Variants in MAPK4 observed in about 807,000 individuals in gnomAD.
The protein encoded by MAPK4 is mitogen-activated protein kinase 4.
Under a neutral mutation model 47.7 loss-of-function variants are expected in MAPK4, and 22 were observed. The ratio of observed to expected loss-of-function variants is 0.46; its 90% CI spans 0.33 to 0.66. The LOEUF is 0.66. Among genes scored for constraint, MAPK4 ranks in the 30% least tolerant of loss-of-function variants. MAPK4 has a pLI of 0.02. For synonymous variants in MAPK4, 390 were observed against 365.7 expected, an observed-to-expected ratio of 1.07 and a Z score of -0.76; for missense variants, 736 against 831.7, an observed-to-expected ratio of 0.88 and a Z score of 1.42.
intron 1 of MAPK4, among the ~76,000 whole-genome samples, chr18:50,658,840 A>G (rs183265911): frequency 1.8e-3 from 276 of 152,288 alleles, no homozygotes; most frequent in Middle Eastern, 3.4e-3. Context: ...TCCAAGAGGA[A>G]GGAGACAGTG....
intron 2 of MAPK4, among the ~76,000 whole-genome samples, chr18:50,710,776 T>C (rs1323092748): frequency 2.3e-5 from 3 of 131,366 alleles, no homozygotes; most frequent in African/African-American, 9.2e-5. Context: ...TGAGACTCCG[T>C]CTCTAAATAA....
At chr18:50,627,741 G>A (rs1331795465) in intron 1 of MAPK4, among the ~76,000 whole-genome samples, 1 of 152,210 alleles carries the variant, frequency 6.6e-6, no homozygotes, top group Non-Finnish European at 1.5e-5. Context: ...TGCCTGCCCA[G>A]GAGATGACAC....
Position 50,641,831 on chromosome 18 carries a change from A to G in MAPK4, c.-870-21258A>G, listed in dbSNP as rs76266236. Among the ~76,000 whole-genome samples the G allele has an allele frequency of 7.3e-3, 1,108 of 152,358 alleles. 10 individuals are homozygous for G. Among genetic ancestry groups the G allele is most frequent in the African/African-American group, 0.025 (1,059 of 41,582 alleles). ...AATAGTTAAAACTTATACTAAAAGTAAAGTAAATTTATGCTAAATAGCATA... is the reference window on the plus strand; with the variant it reads ...AATAGTTAAAACTTATACTAAAAGTGAAGTAAATTTATGCTAAATAGCATA... On this transcript the variant is annotated intron_variant, in intron 1 of 5. Coordinates refer to ENST00000400384, the MANE Select transcript of MAPK4 (RefSeq NM_002747.4).
chr18:50,704,707 C>T, intron 2 of MAPK4: 1 of 398,624 alleles, frequency 2.5e-6, no homozygotes, highest in Admixed American at 4.4e-5. Flanking sequence ...AACTTTGGGG[C>T]CTGGAGGCCT....
intron 1 of MAPK4, among the ~76,000 whole-genome samples, chr18:50,569,287 T>C (rs546057427): frequency 6.6e-6 from 1 of 152,394 alleles, no homozygotes; most frequent in African/African-American, 2.4e-5. Flanking sequence ...CAGCATTTTT[T>C]CTTTTTCACT....
chr18:50,620,080 T>A (rs2042718429), intron 1 of MAPK4, among the ~76,000 whole-genome samples: 1 of 152,248 alleles, frequency 6.6e-6, no homozygotes, highest in Non-Finnish European at 1.5e-5. Context: ...TGCTGAATAT[T>A]TATTTGTCCC....
chr18:50,567,841 A>G (rs1278825624), intron 1 of MAPK4, among the ~76,000 whole-genome samples: 3 of 151,318 alleles, frequency 2.0e-5, no homozygotes, highest in South Asian at 2.1e-4. Context: ...AAAAAAAATG[A>G]CCTGTCATTT....
rs2042616177 is a variant in MAPK4, at chr18:50,609,771, ACAGTTTGGCTCTAAGGCC to A, written c.-871+49531_-871+49548del. Among the ~76,000 whole-genome samples, 3 of 152,264 alleles carry A rather than the reference ACAGTTTGGCTCTAAGGCC, an allele frequency of 2.0e-5. No individual in the cohort carries two copies. The South Asian group carries it at 6.2e-4, about 32-fold the overall frequency. On this transcript the variant is annotated intron_variant, in intron 1 of 5. Transcript: ENST00000400384. ...TGGTGGAGGGAGGATTTGAATCTAGACAGTTTGGCTCTAAGGCCCACTTGTTTGCTATGCTGTACTCTC... is the reference window on the plus strand; with the variant it reads ...TGGTGGAGGGAGGATTTGAATCTAGACACTTGTTTGCTATGCTGTACTCTC...
chr18:50,659,693 T>C (rs998880727), intron 1 of MAPK4, among the ~76,000 whole-genome samples: 5 of 152,216 alleles, frequency 3.3e-5, no homozygotes, highest in Non-Finnish European at 5.9e-5. Flanking sequence ...TAGAACTTTC[T>C]ATTCCTGTGT....
intron 1 of MAPK4, among the ~76,000 whole-genome samples, chr18:50,638,183 ATCTG>A (rs35706887): frequency 0.034 from 5,169 of 152,258 alleles, 130 homozygotes; most frequent in Middle Eastern, 0.051. Flanking sequence ...ATTGGGTGGA[ATCTG>A]TCTGTTTGGC....
intron 2 of MAPK4, among the ~76,000 whole-genome samples, chr18:50,671,576 G>T (rs1337602331): frequency 6.6e-6 from 1 of 152,112 alleles, no homozygotes; most frequent in Non-Finnish European, 1.5e-5. Context: ...GGGAGCTCTG[G>T]TCAGCGGGGT....
chr18:50,628,497 G>A (rs2042801401), intron 1 of MAPK4, among the ~76,000 whole-genome samples: 2 of 152,230 alleles, frequency 1.3e-5, no homozygotes, highest in African/African-American at 4.8e-5. Context: ...CCTTATCCAA[G>A]TAGCATGTAA....
intron 1 of MAPK4, among the ~76,000 whole-genome samples, chr18:50,567,988 C>A (rs376456086): frequency 2.6e-5 from 4 of 151,756 alleles, no homozygotes; most frequent in East Asian, 1.9e-4. Flanking sequence ...TGAGGTCAGG[C>A]GATCGAGACC....
chr18:50,634,172 G>T (rs562875284), intron 1 of MAPK4, among the ~76,000 whole-genome samples: 2 of 152,296 alleles, frequency 1.3e-5, no homozygotes, highest in South Asian at 4.1e-4. Flanking sequence ...GACTGGAGCA[G>T]AGCTGAGCGG....
intron 1 of MAPK4, among the ~76,000 whole-genome samples, chr18:50,604,666 A>G (rs576882018): frequency 6.6e-6 from 1 of 152,356 alleles, no homozygotes; most frequent in South Asian, 2.1e-4. Flanking sequence ...GTCTTGGTCT[A>G]AAAGACCTTA....
At chr18:50,707,193 A>G (rs1321629952) in intron 2 of MAPK4, among the ~76,000 whole-genome samples, 1 of 152,184 alleles carries the variant, frequency 6.6e-6, no homozygotes, top group African/African-American at 2.4e-5. Context: ...AGAAAGGAGC[A>G]TGGTGGTTGC....
In MAPK4 at chr18:50,696,575, C is replaced by G. The variant is rs147260478; in HGVS notation, c.547-18504C>G. 6.9e-3 allele frequency among the ~76,000 whole-genome samples: 1,045 copies of G among 152,324 alleles called. 8 individuals are homozygous for G. The highest frequency in any genetic ancestry group is 0.023 in the African/African-American group (967 of 41,556). ...CTGCAGGTCTGAGAGGATCCGCACA[C>G]CACTCACCCTGAACGCAAACCCAGA... On this transcript the variant is annotated intron_variant, in intron 2 of 5. Coordinates refer to ENST00000400384, the MANE Select transcript of MAPK4 (RefSeq NM_002747.4).
chr18:50,666,170 T>C (rs531050280), intron 2 of MAPK4, among the ~76,000 whole-genome samples: 1 of 152,258 alleles, frequency 6.6e-6, no homozygotes, highest in East Asian at 1.9e-4. Flanking sequence ...TAGTAGGGCT[T>C]TAGGAAGGTC....
intron 3 of MAPK4, among the ~76,000 whole-genome samples, chr18:50,715,691 A>C (rs1031650914): frequency 1.3e-5 from 2 of 152,222 alleles, no homozygotes; most frequent in African/African-American, 4.8e-5. Context: ...GCCTCTCACC[A>C]GACACCAAAT....
Sources: allele counts gnomAD v4.1 joint callset (sites outside exome capture counted in the v4.1 genomes callset), GRCh38; gene constraint gnomAD v4.1.1; transcripts MANE v1.5; gene names NCBI Gene and HGNC (gene_info 2026-07-23, HGNC 2026-07-21).